The following RAPGEF5 variants were observed in gnomAD, a reference collection of about 807,000 sequenced individuals.
RAPGEF5 encodes M-Ras-regulated GEF.
A neutral mutation model predicts 125.2 loss-of-function variants in RAPGEF5; 65 were observed. The ratio of observed to expected loss-of-function variants is 0.52; its 90% CI spans 0.43 to 0.64. RAPGEF5 has a LOEUF of 0.64. Ranked by LOEUF, RAPGEF5 falls within the 30% of genes least tolerant of loss-of-function variation. The pLI is 0.00. For missense variants in RAPGEF5, 958 were observed against 1,048.1 expected (o/e 0.91, Z 1.19); for synonymous variants, 391 against 385.9 (o/e 1.01, Z -0.16).
At chr7:22,247,655 T>C (rs947084050) in intron 7 of RAPGEF5, among the ~76,000 whole-genome samples, 54 of 152,156 alleles carry the variant, frequency 3.5e-4, no homozygotes, top group African/African-American at 1.2e-3. Flanking sequence ...TTTTTCTTTA[T>C]AAATTACCCT....
At chr7:22,319,972 C>T (rs1562527365) in intron 1 of RAPGEF5, among the ~76,000 whole-genome samples, 1 of 152,140 alleles carries the variant, frequency 6.6e-6, no homozygotes, top group Non-Finnish European at 1.5e-5. Context: ...CACAATTCCA[C>T]TTAACAGAAA....
intron 25 of RAPGEF5, among the ~76,000 whole-genome samples, chr7:22,123,311 G>A (rs1485730791): frequency 1.3e-5 from 2 of 152,096 alleles, no homozygotes; most frequent in Admixed American, 6.6e-5. Flanking sequence ...CATGAACCAC[G>A]AGGCAAGCCC....
intron 7 of RAPGEF5, among the ~76,000 whole-genome samples, chr7:22,256,039 C>G (rs1786751145): frequency 6.6e-6 from 1 of 152,118 alleles, no homozygotes; most frequent in Non-Finnish European, 1.5e-5. Context: ...CTGGGGTGAT[C>G]ACATTACTCT....
intron 20 of RAPGEF5, among the ~76,000 whole-genome samples, chr7:22,142,774 T>C (rs1783305889): frequency 6.6e-6 from 1 of 152,068 alleles, no homozygotes; most frequent in Admixed American, 6.6e-5. Flanking sequence ...TCCACAGAGG[T>C]GGGGGATGGG....
chr7:22,343,463 T>C (rs570330162), intron 1 of RAPGEF5, among the ~76,000 whole-genome samples: 13 of 152,358 alleles, frequency 8.5e-5, no homozygotes, highest in South Asian at 6.2e-4. Flanking sequence ...TTTGTCTTTA[T>C]ATATTTCATT....
chr7:22,267,715 A>C (rs541867043), intron 6 of RAPGEF5, among the ~76,000 whole-genome samples: 8 of 152,358 alleles, frequency 5.3e-5, no homozygotes, highest in South Asian at 4.1e-4. Flanking sequence ...GCAGAACACG[A>C]AACAGTGACA....
At chr7:22,196,584 T>A (rs1785151735) in intron 9 of RAPGEF5, among the ~76,000 whole-genome samples, 1 of 152,136 alleles carries the variant, frequency 6.6e-6, no homozygotes, top group African/African-American at 2.4e-5. Flanking sequence ...ATAGGCTCCA[T>A]GACAACATAA....
intron 1 of RAPGEF5, among the ~76,000 whole-genome samples, chr7:22,343,631 A>C (rs908452374): frequency 2.0e-5 from 3 of 152,154 alleles, no homozygotes; most frequent in Non-Finnish European, 4.4e-5. Flanking sequence ...GTCCTGCTTC[A>C]TGGTGAGGTT....
intron 11 of RAPGEF5, among the ~76,000 whole-genome samples, chr7:22,181,492 G>C (rs1427346715): frequency 1.3e-5 from 2 of 152,120 alleles, no homozygotes; most frequent in South Asian, 2.1e-4. Context: ...ATATTTCAAA[G>C]TCAGAAGATT....
At chr7:22,199,080 C>T (rs1370646767) in intron 9 of RAPGEF5, among the ~76,000 whole-genome samples, 1 of 152,132 alleles carries the variant, frequency 6.6e-6, no homozygotes, top group East Asian at 1.9e-4. Context: ...GAGGTCTAGG[C>T]CAAAGTGAGA....
intron 12 of RAPGEF5, 92 bp downstream of exon 12, chr7:22,166,978 G>T: frequency 1.0e-6 from 1 of 1,004,846 alleles, no homozygotes; most frequent in Non-Finnish European, 1.5e-6. Context: ...CTACTATGGG[G>T]TTGAATAAAT....
chr7:22,284,221 A>G (rs1562507687), intron 6 of RAPGEF5, among the ~76,000 whole-genome samples: 1 of 152,152 alleles, frequency 6.6e-6, no homozygotes, highest in Non-Finnish European at 1.5e-5. Context: ...CAATCTATTC[A>G]GGTATTGACA....
At chr7:22,269,200 A>G (rs1782359241) in intron 6 of RAPGEF5, among the ~76,000 whole-genome samples, 1 of 150,576 alleles carries the variant, frequency 6.6e-6, no homozygotes, top group South Asian at 2.1e-4. Flanking sequence ...AAAAAAAAAA[A>G]GAAACCCAAA....
intron 7 of RAPGEF5, among the ~76,000 whole-genome samples, chr7:22,241,435 T>TA (rs1786328676): frequency 6.6e-6 from 1 of 152,068 alleles, no homozygotes; most frequent in Non-Finnish European, 1.5e-5. Context: ...GTCCAGGAAA[T>TA]AAGACTGGAA....
chr7:22,239,417 C>T (rs961859298), intron 7 of RAPGEF5, among the ~76,000 whole-genome samples: 1 of 152,088 alleles, frequency 6.6e-6, no homozygotes, highest in Admixed American at 6.5e-5. Context: ...TCAGACAGCC[C>T]AATAAATCTA....
intron 6 of RAPGEF5, among the ~76,000 whole-genome samples, chr7:22,279,021 A>G (rs1202482539): frequency 6.6e-6 from 1 of 152,124 alleles, no homozygotes; most frequent in Non-Finnish European, 1.5e-5. Context: ...TTACCCAGCT[A>G]CATAGCCTAT....
chr7:22,158,176 A>G (rs1452760856), intron 14 of RAPGEF5, among the ~76,000 whole-genome samples: 6 of 151,928 alleles, frequency 3.9e-5, no homozygotes. Flanking sequence ...GTCCATGGGA[A>G]CTCAGTCCAC....
intron 11 of RAPGEF5, among the ~76,000 whole-genome samples, chr7:22,184,047 G>GA (rs1784755821): frequency 6.6e-6 from 1 of 152,096 alleles, no homozygotes; most frequent in Admixed American, 6.5e-5. Flanking sequence ...ACTTCCACTT[G>GA]AACTTTCCGT....
chr7:22,353,905 G>T (rs1443569363), intron 1 of RAPGEF5, among the ~76,000 whole-genome samples: 1 of 138,494 alleles, frequency 7.2e-6, no homozygotes, highest in East Asian at 2.3e-4. Context: ...GTCTCTAAAA[G>T]AAATAGGAAA....
Sources: allele counts gnomAD v4.1 joint callset (sites outside exome capture counted in the v4.1 genomes callset), GRCh38; gene constraint gnomAD v4.1.1; transcripts MANE v1.5; gene names NCBI Gene and HGNC (gene_info 2026-07-23, HGNC 2026-07-21).